The following DLGAP2 variants were observed in gnomAD, a reference collection of about 807,000 sequenced individuals.
DLGAP2 encodes the protein disks large-associated protein 2.
DLGAP2 carries 26 observed loss-of-function variants against 100.3 expected under a neutral mutation model. That is an observed-to-expected ratio of 0.26 (90% CI 0.19 to 0.36). DLGAP2 has a LOEUF of 0.36. Ranked by LOEUF, DLGAP2 falls within the 10% of genes least tolerant of loss-of-function variation. The pLI is 1.00. For synonymous variants in DLGAP2, 886 were observed against 630.1 expected (o/e 1.41, Z -6.08); for missense variants, 1,858 against 1,453.2 (o/e 1.28, Z -4.53).
intron 4 of DLGAP2, among the ~76,000 whole-genome samples, chr8:1,507,314 G>A (rs942439577): frequency 6.6e-6 from 1 of 151,664 alleles, no homozygotes; most frequent in African/African-American, 2.4e-5. Context: ...GGAGGCAGCT[G>A]AGGCCCGGGG....
At chr8:1,039,144 C>T (rs969137621) in intron 2 of DLGAP2, among the ~76,000 whole-genome samples, 2 of 140,472 alleles carry the variant, frequency 1.4e-5, no homozygotes, top group African/African-American at 5.8e-5. Context: ...AGGAAGTGAC[C>T]CATGTGGAAA....
intron 2 of DLGAP2, among the ~76,000 whole-genome samples, chr8:920,350 AG>A (rs1375298284): frequency 4.6e-5 from 7 of 152,388 alleles, no homozygotes; most frequent in African/African-American, 1.7e-4. Flanking sequence ...ATCAGGGAAT[AG>A]CCCCCAAATC....
chr8:1,575,925 C>T (rs1393043352), intron 6 of DLGAP2, among the ~76,000 whole-genome samples: 7 of 152,102 alleles, frequency 4.6e-5, no homozygotes, highest in Admixed American at 1.3e-4. Flanking sequence ...CTGTAATAAA[C>T]ATACATGTGC....
intron 2 of DLGAP2, among the ~76,000 whole-genome samples, chr8:933,670 T>A (rs1584901958): frequency 2.2e-5 from 2 of 92,582 alleles, no homozygotes; most frequent in African/African-American, 9.5e-5. Flanking sequence ...CAGAGCCTGC[T>A]GTGGACACCT....
At chr8:1,628,581 C>A (rs113938495) in intron 7 of DLGAP2, among the ~76,000 whole-genome samples, 2 of 149,868 alleles carry the variant, frequency 1.3e-5, no homozygotes, top group Admixed American at 6.6e-5. Context: ...CTTGAGCCGA[C>A]CTCACATTCT....
intron 2 of DLGAP2, among the ~76,000 whole-genome samples, chr8:1,110,584 C>T (rs1006459224): frequency 2.6e-5 from 4 of 152,012 alleles, no homozygotes; most frequent in African/African-American, 9.7e-5. Context: ...GTGCATGGGT[C>T]TTCAGTGTGT....
At chr8:923,537 A>T (rs4735960) in intron 2 of DLGAP2, among the ~76,000 whole-genome samples, 9,469 of 152,278 alleles carry the variant, frequency 0.062, 392 homozygotes, top group Admixed American at 0.11. Flanking sequence ...AGTTGACATA[A>T]CTAGTTAGGA....
chr8:1,188,852 A>T (rs771454123), intron 2 of DLGAP2, among the ~76,000 whole-genome samples: 32 of 152,126 alleles, frequency 2.1e-4, no homozygotes, highest in Non-Finnish European at 3.4e-4. Flanking sequence ...ATGACTTGTC[A>T]CTCCAAAAAG....
In DLGAP2 at chr8:1,567,620, G is replaced by A. The variant is rs943408084; in HGVS notation, c.1442+1726G>A. 4.6e-5 allele frequency among the ~76,000 whole-genome samples: 7 copies of A among 152,272 alleles called. No homozygotes were observed. The East Asian group carries it at 1.2e-3, about 25-fold the overall frequency. On this transcript the variant is annotated intron_variant, in intron 6 of 14. Coordinates refer to ENST00000637795, the MANE Select transcript of DLGAP2 (RefSeq NM_001346810.2). ...AGGATCATTATCACCTCATTCTTCA[G>A]TGGCAGAGACAGTGTCTCATTCCTT...
chr8:820,945 T>A (rs1235843595), intron 1 of DLGAP2, among the ~76,000 whole-genome samples: 2 of 152,220 alleles, frequency 1.3e-5, no homozygotes, highest in Non-Finnish European at 2.9e-5. Flanking sequence ...AAGAGCAGAA[T>A]GTGAATTCTA....
chr8:1,036,601 A>G (rs561665476), intron 2 of DLGAP2, among the ~76,000 whole-genome samples: 4 of 152,222 alleles, frequency 2.6e-5, no homozygotes, highest in Non-Finnish European at 1.5e-5. Context: ...CCTGGGGGTT[A>G]TAAGGGGAGG....
chr8:1,172,799 A>G (rs528134326), intron 2 of DLGAP2, among the ~76,000 whole-genome samples: 6 of 152,120 alleles, frequency 3.9e-5, no homozygotes, highest in African/African-American at 1.4e-4. Flanking sequence ...ATTTTTTTCA[A>G]AGTTTTTAAC....
intron 3 of DLGAP2, among the ~76,000 whole-genome samples, chr8:1,464,335 A>G (rs74728762): frequency 2.2e-5 from 1 of 45,424 alleles, no homozygotes; most frequent in Non-Finnish European, 4.0e-5. Flanking sequence ...CCAGGACGGC[A>G]CCCTTCCAGG....
chr8:893,923 A>C (rs1027771391), intron 1 of DLGAP2, among the ~76,000 whole-genome samples: 3 of 152,330 alleles, frequency 2.0e-5, no homozygotes, highest in African/African-American at 7.2e-5. Context: ...CTGTTGAAGC[A>C]TTGGGAGGTT....
chr8:1,360,209 C>T (rs1256207110), intron 3 of DLGAP2, among the ~76,000 whole-genome samples: 1 of 102,754 alleles, frequency 9.7e-6, no homozygotes, highest in African/African-American at 3.7e-5. Context: ...AGGGGCGGGG[C>T]TTTTCCGGGG....
At chr8:1,678,739 A>G in intron 12 of DLGAP2, 110 bp downstream of exon 12, 1 of 1,235,474 alleles carries the variant, frequency 8.1e-7, no homozygotes, top group Non-Finnish European at 1.1e-6. Flanking sequence ...ATTCAAGTGA[A>G]GGGAAATAAA....
intron 3 of DLGAP2, among the ~76,000 whole-genome samples, chr8:1,276,419 C>G (rs1405442706): frequency 4.6e-5 from 7 of 152,116 alleles, no homozygotes; most frequent in Non-Finnish European, 1.0e-4. Flanking sequence ...GGGAAACCCA[C>G]CCGGCTTTGC....
chr8:1,592,069 T>C (rs1451684221), intron 6 of DLGAP2, among the ~76,000 whole-genome samples: 3 of 152,116 alleles, frequency 2.0e-5, no homozygotes, highest in Non-Finnish European at 4.4e-5. Context: ...TTATCCCTTA[T>C]CCACCATGGC....
chr8:1,123,653 T>C (rs1796100002), intron 2 of DLGAP2, among the ~76,000 whole-genome samples: 4 of 152,254 alleles, frequency 2.6e-5, no homozygotes, highest in Non-Finnish European at 4.4e-5. Flanking sequence ...AAAAAAGAAA[T>C]AGTTCTATGC....
Sources: allele counts gnomAD v4.1 joint callset (sites outside exome capture counted in the v4.1 genomes callset), GRCh38; gene constraint gnomAD v4.1.1; transcripts MANE v1.5; gene names NCBI Gene and HGNC (gene_info 2026-07-23, HGNC 2026-07-21).